Variants in EPS15L1 observed in about 807,000 individuals in gnomAD.
EPS15L1 encodes epidermal growth factor receptor pathway substrate 15 like 1.
Under a neutral mutation model 117.1 loss-of-function variants are expected in EPS15L1, and 43 were observed. The ratio of observed to expected loss-of-function variants is 0.37; its 90% CI spans 0.29 to 0.47. The LOEUF (loss-of-function observed/expected upper bound fraction) is 0.47. Ranked by LOEUF, EPS15L1 falls within the 20% of genes least tolerant of loss-of-function variation. EPS15L1 has a pLI of 0.99. For synonymous variants in EPS15L1, 459 were observed against 470.5 expected (o/e 0.98, Z 0.32); for missense variants, 981 against 1,164.0 (o/e 0.84, Z 2.29).
In EPS15L1 at chr19:16,406,725, C is replaced by G. The variant is rs565201641; in HGVS notation, c.1267-1976G>C. On this transcript the variant is annotated intron_variant, in intron 13 of 23. Coordinates refer to ENST00000455140, the MANE Select transcript of EPS15L1 (RefSeq NM_001258374.3). The stretch of plus-strand genomic sequence containing the variant: ...TTACCTCCTCCTCAAACCAAAGATG[C>G]CAAAATGTGTACATCACATCCTTCA... 2.0e-5 allele frequency among the ~76,000 whole-genome samples: 3 copies of G among 152,360 alleles called. No homozygotes were observed. In the East Asian group the frequency reaches 5.8e-4, roughly 29 times the overall value.
chr19:16,395,551 T>A lies in EPS15L1; in HGVS notation c.1792-84A>T, dbSNP rs1238143511. On this transcript the variant is annotated intron_variant, in intron 16 of 23. Coordinates refer to ENST00000455140, the MANE Select transcript of EPS15L1 (RefSeq NM_001258374.3). ...ACGGAATTCCATACTTAACTCACATTTCCACTTTGAGTAGCATGACCCTAA... is the reference window on the plus strand; with the variant it reads ...ACGGAATTCCATACTTAACTCACATATCCACTTTGAGTAGCATGACCCTAA... 47 of 1,394,026 alleles carry A rather than the reference T, an allele frequency of 3.4e-5. No individual in the cohort carries two copies. In the East Asian group the frequency reaches 1.0e-3, roughly 31 times the overall value. The allele number at this position is 1,394,026 out of a possible 1,614,324, so 86.4% of individuals were successfully genotyped here. A position where few individuals can be genotyped will look rare whatever the true frequency, so the allele number is the denominator to read the frequency against.
Position 16,421,231 on chromosome 19 carries a change from G to A in EPS15L1, c.950+88C>T. On this transcript the variant is annotated intron_variant, in intron 10 of 23. Transcript: ENST00000455140. ...GCGGAAGCCTGTGACAGGCTGGAGG[G>A]GGCCCCCTGACCACCACCCTCCACA... is the stretch of plus-strand genomic sequence containing the variant. 7 of 1,435,774 alleles carry A rather than the reference G, an allele frequency of 4.9e-6. No homozygotes were observed. In the South Asian group the frequency reaches 6.9e-5, roughly 14 times the overall value. 88.9% of individuals were successfully genotyped at this position (1,435,774 alleles called of 1,614,324 possible).
intron 21 of EPS15L1, 25 bp downstream of exon 21, chr19:16,385,104 C>CG (rs1568406312): frequency 1.3e-6 from 2 of 1,599,904 alleles, no homozygotes. Flanking sequence ...AGCAGAGGCG[C>CG]GGGGGCTCCG....
At chr19:16,439,978 G>A (rs1428739976) in intron 4 of EPS15L1, among the ~76,000 whole-genome samples, 1 of 130,724 alleles carries the variant, frequency 7.6e-6, no homozygotes, top group Non-Finnish European at 1.6e-5. Context: ...TAAGGCATGA[G>A]AATCTTGTGA....
intron 21 of EPS15L1, 124 bp from the exon 22 acceptor site, chr19:16,377,378 A>G (rs2092309755): frequency 2.8e-6 from 3 of 1,066,624 alleles, no homozygotes; most frequent in Non-Finnish European, 4.1e-6. Context: ...GGACTGCACA[A>G]CATGGCCCTG....
chr19:16,406,899 T>C (rs2144855395), intron 13 of EPS15L1, among the ~76,000 whole-genome samples: 1 of 152,298 alleles, frequency 6.6e-6, no homozygotes, highest in South Asian at 2.1e-4. Context: ...AGGAGGTGAT[T>C]AGGTACAGCC....
chr19:16,414,873 C>T (rs2092743183), intron 12 of EPS15L1, among the ~76,000 whole-genome samples: 3 of 151,966 alleles, frequency 2.0e-5, no homozygotes, highest in African/African-American at 7.3e-5. Flanking sequence ...CCAGGCCTGG[C>T]TAATTTTTTA....
intron 8 of EPS15L1, 58 bp from the exon 9 acceptor site, chr19:16,425,374 G>A (rs779002480): frequency 1.6e-6 from 2 of 1,237,818 alleles, no homozygotes; most frequent in East Asian, 5.0e-5. Flanking sequence ...GGACCATCAG[G>A]AGAAGGCAGA....
At chr19:16,452,138 C>CAA (rs1278481157) in intron 1 of EPS15L1, among the ~76,000 whole-genome samples, 1 of 130,100 alleles carries the variant, frequency 7.7e-6, no homozygotes, top group Non-Finnish European at 1.6e-5. Context: ...GACTTCGTCT[C>CAA]AAAAAAAAAA....
At chr19:16,437,060 G>T (rs748379106) in intron 5 of EPS15L1, 61 bp from the exon 6 acceptor site, 3 of 1,483,084 alleles carry the variant, frequency 2.0e-6, no homozygotes, top group Non-Finnish European at 2.8e-6. Context: ...AGGTGGGTGG[G>T]TTTGCTGAAA....
chr19:16,406,132 A>G (rs2092654310), intron 13 of EPS15L1, among the ~76,000 whole-genome samples: 1 of 152,096 alleles, frequency 6.6e-6, no homozygotes, highest in Admixed American at 6.5e-5. Flanking sequence ...GTGCCCTGAG[A>G]TAACAAAACC....
At chr19:16,420,861 A>C (rs906582548) in intron 10 of EPS15L1, among the ~76,000 whole-genome samples, 2 of 152,090 alleles carry the variant, frequency 1.3e-5, no homozygotes, top group African/African-American at 4.8e-5. Context: ...CCTTGTGCTC[A>C]CCCTCCCGCC....
intron 13 of EPS15L1, chr19:16,413,009 G>C (rs1020395446): frequency 4.2e-6 from 3 of 719,196 alleles, no homozygotes; most frequent in Non-Finnish European, 7.4e-6. Context: ...TCAAGGATGA[G>C]GTTTTGAAGA....
chr19:16,378,014 T>C (rs1227680299), intron 21 of EPS15L1, among the ~76,000 whole-genome samples: 1 of 151,968 alleles, frequency 6.6e-6, no homozygotes, highest in Non-Finnish European at 1.5e-5. Context: ...GTTATAACAA[T>C]TGGATAGATG....
intron 1 of EPS15L1, among the ~76,000 whole-genome samples, chr19:16,465,605 G>A (rs1229379329): frequency 1.3e-5 from 2 of 152,066 alleles, no homozygotes; most frequent in African/African-American, 4.8e-5. Context: ...CTCACTTGAG[G>A]CCAAGAGTCG....
chr19:16,434,395 G>A lies in EPS15L1; in HGVS notation c.468C>T (p.Asn156=). 1.2e-6 allele frequency: 2 copies of A among 1,614,196 alleles called. No homozygotes were observed. The highest frequency in any genetic ancestry group is 1.7e-6 in the Non-Finnish European group (2 of 1,180,030). Residue 156 remains asparagine, a synonymous_variant, in exon 7 of 24, where the codon AAC becomes AAT. Transcript: ENST00000455140. ...SGDKVKPVLM[N]SKLPLDVLGR... is the part of the protein sequence containing the mutation. ...CCAGGACATCAAGAGGCAGCTTTGA[G>A]TTCATGAGGACTGGCTTGACTTTGT...
intron 22 of EPS15L1, among the ~76,000 whole-genome samples, chr19:16,369,507 C>T (rs1463301064): frequency 6.6e-6 from 1 of 151,976 alleles, no homozygotes; most frequent in African/African-American, 2.4e-5. Context: ...CCTCATCTTG[C>T]CATTAAAAGA....
intron 16 of EPS15L1, among the ~76,000 whole-genome samples, chr19:16,397,583 G>A (rs1249319709): frequency 6.6e-6 from 1 of 151,920 alleles, no homozygotes; most frequent in African/African-American, 2.4e-5. Flanking sequence ...GGGCATTTGG[G>A]AAAATGGAGT....
intron 3 of EPS15L1, 23 bp downstream of exon 3, chr19:16,441,869 A>T: frequency 6.3e-7 from 1 of 1,588,660 alleles, no homozygotes; most frequent in Non-Finnish European, 8.6e-7. Context: ...ACAGAAGAGA[A>T]ATCACTATTC....
Sources: gnomAD v4.1 joint callset for allele counts (sites outside exome capture counted in the v4.1 genomes callset) on GRCh38, gnomAD v4.1.1 for gene constraint, MANE v1.5 for transcripts, NCBI Gene and HGNC (gene_info 2026-07-23, HGNC 2026-07-21) for gene names.